The following GRID2 variants were observed in gnomAD, a reference collection of about 807,000 sequenced individuals.
GRID2 encodes the protein glutamate ionotropic receptor delta type subunit 2, also known as glutamate receptor ionotropic, delta-2.
GRID2 carries 33 observed loss-of-function variants against 114.8 expected under a neutral mutation model. The ratio of observed to expected loss-of-function variants is 0.29; its 90% CI spans 0.22 to 0.38. GRID2 has a LOEUF of 0.38. GRID2 is among the 10% of genes least tolerant of loss of function. GRID2 has a pLI of 1.00. For missense variants in GRID2, 1,184 were observed against 1,257.7 expected, an observed-to-expected ratio of 0.94 and a Z score of 0.89; for synonymous variants, 505 against 449.9, an observed-to-expected ratio of 1.12 and a Z score of -1.55.
intron 4 of GRID2, 108 bp downstream of exon 4, chr4:93,111,061 C>A: frequency 1.4e-6 from 1 of 706,778 alleles, no homozygotes. Context: ...GAATTAACTA[C>A]ACAATTCTTG....
At chr4:92,336,836 C>T (rs1727195924) in intron 1 of GRID2, among the ~76,000 whole-genome samples, 2 of 151,888 alleles carry the variant, frequency 1.3e-5, no homozygotes, top group Non-Finnish European at 2.9e-5. Flanking sequence ...TTTTTTGCTT[C>T]CTATATCTAG....
chr4:92,764,804 T>G (rs1163024429), intron 2 of GRID2, among the ~76,000 whole-genome samples: 1 of 152,098 alleles, frequency 6.6e-6, no homozygotes. Flanking sequence ...ATTGAGTAAA[T>G]AAACATCGAG....
At chr4:92,821,605 ATTAATGTAAT>A (rs2149387773) in intron 2 of GRID2, among the ~76,000 whole-genome samples, 1 of 152,306 alleles carries the variant, frequency 6.6e-6, no homozygotes, top group Admixed American at 6.5e-5. Flanking sequence ...TTCCACATTC[ATTAATGTAAT>A]ACAAGAAAAC....
chr4:93,719,411 T>G (rs1729170610), intron 14 of GRID2, among the ~76,000 whole-genome samples: 1 of 152,168 alleles, frequency 6.6e-6, no homozygotes, highest in Non-Finnish European at 1.5e-5. Context: ...GGACTTTTTT[T>G]TTTAAGGAGA....
At chr4:93,178,945 C>T (rs1579208024) in intron 4 of GRID2, among the ~76,000 whole-genome samples, 1 of 152,166 alleles carries the variant, frequency 6.6e-6, no homozygotes, top group East Asian at 1.9e-4. Context: ...GGGCTGATTA[C>T]CACCTAGGGT....
intron 2 of GRID2, among the ~76,000 whole-genome samples, chr4:92,982,196 G>A (rs145290283): frequency 1.8e-3 from 269 of 151,854 alleles, no homozygotes; most frequent in African/African-American, 6.0e-3. Flanking sequence ...AAAAGGATGC[G>A]GCTAATTTCC....
chr4:93,720,222 G>A (rs944356924), intron 14 of GRID2, among the ~76,000 whole-genome samples: 2 of 152,126 alleles, frequency 1.3e-5, no homozygotes, highest in African/African-American at 4.8e-5. Context: ...ATTCCTGATA[G>A]TTGTAGCTCT....
intron 13 of GRID2, among the ~76,000 whole-genome samples, chr4:93,606,409 G>A (rs565936868): frequency 6.6e-6 from 1 of 152,276 alleles, no homozygotes; most frequent in South Asian, 2.1e-4. Flanking sequence ...TGAGAAATGA[G>A]AACAAATGCT....
At chr4:93,052,703 C>A (rs1263304169) in intron 2 of GRID2, among the ~76,000 whole-genome samples, 2 of 151,814 alleles carry the variant, frequency 1.3e-5, no homozygotes, top group Non-Finnish European at 2.9e-5. Flanking sequence ...AATGACAATT[C>A]TTTTAATATT....
rs1723981228 is a variant in GRID2 at position 92,506,554 on chromosome 4, A to G, written c.89-83577A>G. Among the ~76,000 whole-genome samples the G allele has an allele frequency of 2.0e-5, 3 of 151,968 alleles. No homozygotes were observed. In the South Asian group the frequency reaches 6.2e-4, roughly 31 times the overall value. The stretch of plus-strand genomic sequence containing the variant: ...GGAAAAGTTTGTCATGACTATGAAG[A>G]GTACTGAATCTTGTTGAATGTCTGA... On this transcript the variant is annotated intron_variant, in intron 1 of 15. Coordinates refer to ENST00000282020, the MANE Select transcript of GRID2 (RefSeq NM_001510.4).
intron 8 of GRID2, among the ~76,000 whole-genome samples, chr4:93,311,941 A>C (rs2149189416): frequency 6.6e-6 from 1 of 152,356 alleles, no homozygotes; most frequent in South Asian, 2.1e-4. Context: ...GTAGTTCAAT[A>C]ATTTGGGATG....
At chr4:92,868,469 C>G (rs1745059367) in intron 2 of GRID2, among the ~76,000 whole-genome samples, 1 of 152,136 alleles carries the variant, frequency 6.6e-6, no homozygotes, top group Non-Finnish European at 1.5e-5. Context: ...TATTTGTTCT[C>G]TAAAGATTTC....
intron 1 of GRID2, among the ~76,000 whole-genome samples, chr4:92,399,977 T>A (rs552791217): frequency 6.6e-6 from 1 of 152,236 alleles, no homozygotes; most frequent in South Asian, 2.1e-4. Context: ...TAAAGATAAG[T>A]CTTAACTATT....
At position 93,241,817 on chromosome 4, in the gene GRID2, A is replaced by AAT. The variant is rs1489810559; in HGVS notation, c.1245+3327_1245+3328insAT. Among the ~76,000 whole-genome samples, 65 of 150,896 alleles carry AAT rather than the reference A, an allele frequency of 4.3e-4. 1 individual carries two copies. Among genetic ancestry groups the AAT allele is most frequent in the African/African-American group, 1.6e-3 (65 of 40,962 alleles). On this transcript the variant is annotated intron_variant, in intron 8 of 15. Transcript: ENST00000282020. ...AGTAGAAAAGTAAAAAAAAAAAAAA[A>AAT]GTGAGTATGTTTGGGTAGTAATTAA...
intron 1 of GRID2, among the ~76,000 whole-genome samples, chr4:92,477,085 G>C (rs1045808109): frequency 4.8e-5 from 6 of 125,518 alleles, no homozygotes; most frequent in African/African-American, 1.7e-4. Context: ...GTGTGTGTGT[G>C]TGTGTGTGTG....
In GRID2 at chr4:92,937,659, A is replaced by T. The variant is rs987944607; in HGVS notation, c.245-147336A>T. 3.4e-5 allele frequency among the ~76,000 whole-genome samples: 5 copies of T among 146,716 alleles called. 1 individual carries two copies. Among genetic ancestry groups the T allele is most frequent in the Non-Finnish European group, 6.0e-5 (4 of 66,274 alleles). ...ATTACCCTGTTATATTATTTTTCAT[A>T]ATTGTTTTAGCTTTGGGGCTCCTTG... On this transcript the variant is annotated intron_variant, in intron 2 of 15. Coordinates refer to ENST00000282020, the MANE Select transcript of GRID2 (RefSeq NM_001510.4).
chr4:93,665,092 C>T (rs1723834722), intron 14 of GRID2, among the ~76,000 whole-genome samples: 2 of 151,898 alleles, frequency 1.3e-5, no homozygotes, highest in Admixed American at 1.3e-4. Context: ...CATTGCATAC[C>T]ATCCAGTTTC....
chr4:93,763,570 A>G (rs1380755148), intron 14 of GRID2, among the ~76,000 whole-genome samples: 1 of 152,218 alleles, frequency 6.6e-6, no homozygotes, highest in Non-Finnish European at 1.5e-5. Context: ...GCATACTTAC[A>G]TATTAGAAGC....
intron 8 of GRID2, among the ~76,000 whole-genome samples, chr4:93,302,814 A>G (rs376843371): frequency 5.5e-4 from 84 of 152,362 alleles, no homozygotes; most frequent in African/African-American, 1.8e-3. Context: ...ATTGTAAGAA[A>G]GTGATTCTAC....
Sources: allele counts gnomAD v4.1 joint callset (sites outside exome capture counted in the v4.1 genomes callset), GRCh38; gene constraint gnomAD v4.1.1; transcripts MANE v1.5; gene names NCBI Gene and HGNC (gene_info 2026-07-23, HGNC 2026-07-21).